Variants in KIF4A observed in about 807,000 individuals in gnomAD.
KIF4A encodes chromosome-associated kinesin KIF4A.
In KIF4A, 7 loss-of-function variants were observed where a neutral mutation model predicts 105.9. The observed-to-expected ratio is 0.07, with a 90% CI of 0.04 to 0.12. The LOEUF is 0.12. Among genes scored for constraint, KIF4A ranks in the 10% least tolerant of loss-of-function variants. The pLI is 1.00. For synonymous variants in KIF4A, 281 were observed against 331.3 expected (o/e 0.85, Z 1.65); for missense variants, 558 against 929.2 (o/e 0.60, Z 5.19).
chrX:70,328,288 C>A (rs1234016462), intron 7 of KIF4A, among the ~76,000 whole-genome samples: 3 of 111,108 alleles, frequency 2.7e-5, no homozygotes, highest in Non-Finnish European at 5.7e-5. Context: ...GGACAGACAT[C>A]CTGGCAGCCT....
chrX:70,366,742 G>T (rs1569243189), intron 15 of KIF4A, among the ~76,000 whole-genome samples: 3 of 111,818 alleles, frequency 2.7e-5, no homozygotes, highest in Non-Finnish European at 3.8e-5. Flanking sequence ...TTGGGATGGA[G>T]AGTTCTGTAG....
intron 3 of KIF4A, among the ~76,000 whole-genome samples, chrX:70,296,011 T>C (rs2147657525): frequency 9.2e-6 from 1 of 108,535 alleles, no homozygotes; most frequent in South Asian, 4.1e-4. Flanking sequence ...ATCCATACAC[T>C]CATATTTAAC....
intron 20 of KIF4A, among the ~76,000 whole-genome samples, chrX:70,387,856 ACT>A (rs2086223905): frequency 9.0e-6 from 1 of 111,296 alleles, no homozygotes; most frequent in Non-Finnish European, 1.9e-5. Flanking sequence ...TGACAGTGAA[ACT>A]CTGTCTCAAA....
At chrX:70,343,836 C>A in intron 12 of KIF4A, 41 bp from the exon 13 acceptor site, 1 of 1,186,476 alleles carries the variant, frequency 8.4e-7, no homozygotes. Flanking sequence ...TGGCCTTTGT[C>A]ATATGAATAA....
intron 13 of KIF4A, among the ~76,000 whole-genome samples, chrX:70,346,155 A>C (rs1381607275): frequency 1.8e-5 from 2 of 112,153 alleles, no homozygotes; most frequent in African/African-American, 6.5e-5. Context: ...TATAGATAAA[A>C]GCAAAGAGGT....
intron 15 of KIF4A, among the ~76,000 whole-genome samples, chrX:70,367,452 A>T (rs2086109523): frequency 9.0e-6 from 1 of 111,615 alleles, no homozygotes; most frequent in African/African-American, 3.3e-5. Context: ...CCTGGTGGTG[A>T]CAAAATCTCT....
intron 28 of KIF4A, among the ~76,000 whole-genome samples, chrX:70,414,185 T>A (rs1347057381): frequency 8.9e-6 from 1 of 112,089 alleles, no homozygotes; most frequent in Non-Finnish European, 1.9e-5. Flanking sequence ...ATTATCCCCA[T>A]GAGGAAATAT....
intron 7 of KIF4A, among the ~76,000 whole-genome samples, chrX:70,312,705 T>C (rs1414858148): frequency 8.9e-6 from 1 of 112,083 alleles, no homozygotes; most frequent in African/African-American, 3.2e-5. Flanking sequence ...CTATGTCTCA[T>C]TTATTTTCAG....
intron 20 of KIF4A, among the ~76,000 whole-genome samples, chrX:70,395,449 A>G (rs1307154192): frequency 8.9e-6 from 1 of 112,079 alleles, no homozygotes; most frequent in Non-Finnish European, 1.9e-5. Context: ...AATCTGGAGA[A>G]AGATTTTCTG....
chrX:70,321,107 T>C (rs1364159438), intron 7 of KIF4A, among the ~76,000 whole-genome samples: 1 of 111,454 alleles, frequency 9.0e-6, no homozygotes, highest in Non-Finnish European at 1.9e-5. Flanking sequence ...TTCCAGACCC[T>C]TTATACCCTG....
intron 28 of KIF4A, among the ~76,000 whole-genome samples, chrX:70,409,437 G>C (rs1409018375): frequency 8.9e-6 from 1 of 111,846 alleles, no homozygotes; most frequent in African/African-American, 3.2e-5. Flanking sequence ...TTGAAGTAGA[G>C]AGCATGAGCT....
At chrX:70,351,243 C>T (rs1161813022) in intron 13 of KIF4A, among the ~76,000 whole-genome samples, 1 of 111,177 alleles carries the variant, frequency 9.0e-6, no homozygotes, top group Non-Finnish European at 1.9e-5. Flanking sequence ...TTACTGTAGC[C>T]GTCACCTAAA....
chrX:70,408,068 C>CA (rs1364505971), intron 28 of KIF4A, among the ~76,000 whole-genome samples: 6,589 of 76,253 alleles, frequency 0.086, 234 homozygotes, highest in Middle Eastern at 0.12. Flanking sequence ...GATTCCATCT[C>CA]AAAAAAAAAA....
chrX:70,326,748 A>G (rs1180759754), intron 7 of KIF4A, among the ~76,000 whole-genome samples: 2 of 112,152 alleles, frequency 1.8e-5, no homozygotes, highest in African/African-American at 6.5e-5. Context: ...CATCTTTGTG[A>G]TATATATTCC....
Position 70,290,433 on chromosome X carries a change from C to T in KIF4A, c.-21-5C>T, listed in dbSNP as rs761340826. 83 of 1,197,552 alleles carry T rather than the reference C, an allele frequency of 6.9e-5. No individual in the cohort carries two copies. The highest frequency in any genetic ancestry group is 4.5e-4 in the Admixed American group (20 of 44,701). On this transcript the variant is annotated splice_region_variant and splice_polypyrimidine_tract_variant and intron_variant, in intron 1 of 30. Coordinates refer to ENST00000374403, the MANE Select transcript of KIF4A (RefSeq NM_012310.5). ...ATCAGCGAGCCTTCTTTTTCCCCCTCGCAGAGACGGTGCTGAGATAGGATC... is the reference window on the plus strand; with the variant it reads ...ATCAGCGAGCCTTCTTTTTCCCCCTTGCAGAGACGGTGCTGAGATAGGATC...
chrX:70,336,550 T>A (rs2085951378), intron 10 of KIF4A, among the ~76,000 whole-genome samples: 1 of 111,637 alleles, frequency 9.0e-6, no homozygotes, highest in Non-Finnish European at 1.9e-5. Flanking sequence ...TTTTTGGCAG[T>A]CTGATAGGTG....
chrX:70,314,652 G>A (rs1156265705), intron 7 of KIF4A, among the ~76,000 whole-genome samples: 1 of 111,515 alleles, frequency 9.0e-6, no homozygotes, highest in African/African-American at 3.3e-5. Context: ...GGAGAGTTGT[G>A]CAGAGAAAGA....
rs148347861 is a variant in KIF4A, at chrX:70,329,316, G to A, written c.779-89G>A. ...ATTGATGACTCGATATTTTTATGGGGTCTTTATTTCTTTTCTCTTTCTCAG... is the reference window on the plus strand; with the variant it reads ...ATTGATGACTCGATATTTTTATGGGATCTTTATTTCTTTTCTCTTTCTCAG... On this transcript the variant is annotated intron_variant, in intron 7 of 30. Coordinates refer to ENST00000374403, the MANE Select transcript of KIF4A (RefSeq NM_012310.5). 3,163 of 827,255 alleles carry A rather than the reference G, an allele frequency of 3.8e-3. 76 individuals carry two copies. The African/African-American group carries it at 0.057, about 15-fold the overall frequency. 68.2% of individuals were successfully genotyped at this position (827,255 alleles called of 1,213,427 possible). A position where few individuals can be genotyped will look rare whatever the true frequency, so the allele number is the denominator to read the frequency against.
At chrX:70,392,910 G>T (rs763489173) in intron 20 of KIF4A, among the ~76,000 whole-genome samples, 1 of 106,343 alleles carries the variant, frequency 9.4e-6, no homozygotes, top group South Asian at 4.0e-4. Context: ...ACCCAGGCTG[G>T]AGTGCAGTGG....
Sources: gnomAD v4.1 joint callset for allele counts (sites outside exome capture counted in the v4.1 genomes callset) on GRCh38, gnomAD v4.1.1 for gene constraint, MANE v1.5 for transcripts, NCBI Gene and HGNC (gene_info 2026-07-23, HGNC 2026-07-21) for gene names.